NPIPB2: variants seen among roughly 807,000 people sequenced by gnomAD.
NPIPB2 encodes the protein nuclear pore complex-interacting protein family member B2.
Under a neutral mutation model 30.8 loss-of-function variants are expected in NPIPB2, and 27 were observed. The observed-to-expected ratio is 0.88, with a 90% CI of 0.65 to 1.21. The LOEUF (loss-of-function observed/expected upper bound fraction) is 1.21, where lower values mean the gene tolerates loss of function less well. NPIPB2 is among the 50% of genes most tolerant of loss of function. NPIPB2 has a pLI of 0.00. For synonymous variants in NPIPB2, 147 were observed against 162.0 expected (o/e 0.91, Z 0.70); for missense variants, 440 against 446.2 (o/e 0.99, Z 0.13).
At chr16:11,948,208 G>T (rs1385947642) in intron 1 of NPIPB2, among the ~76,000 whole-genome samples, 2 of 151,810 alleles carry the variant, frequency 1.3e-5, no homozygotes, top group Non-Finnish European at 2.9e-5. Flanking sequence ...AACGGGGGAA[G>T]TTCCAGGTGA....
rs567550718 is a variant in NPIPB2 at position 11,959,943 on chromosome 16, T to C, written c.-584+16625A>G. Among the ~76,000 whole-genome samples, 5 of 152,278 alleles carry C rather than the reference T, an allele frequency of 3.3e-5. No homozygotes were observed. In the East Asian group the frequency reaches 9.6e-4, roughly 29 times the overall value. ...AGCACGCACTACCACACCTGGCTAA[T>C]TTTTAAATTATTTGTAGAGATAGGG... On this transcript the variant is annotated intron_variant, in intron 1 of 5. Transcript: ENST00000538896.
intron 1 of NPIPB2, among the ~76,000 whole-genome samples, chr16:11,962,998 C>A (rs1008235685): frequency 6.6e-6 from 1 of 152,066 alleles, no homozygotes; most frequent in Non-Finnish European, 1.5e-5. Context: ...ACCCGGGAGG[C>A]AGAGGTTGCA....
intron 1 of NPIPB2, chr16:11,966,294 TAAGG>T (rs746891830): frequency 2.5e-6 from 4 of 1,613,962 alleles, no homozygotes; most frequent in Non-Finnish European, 3.4e-6. Flanking sequence ...ATGTTTTTGC[TAAGG>T]AAGATAAACT....
Position 11,951,625 on chromosome 16 carries a change from T to TACACACACACACACAC in NPIPB2, c.-583-9527_-583-9512dup, listed in dbSNP as rs1214348316. On this transcript the variant is annotated intron_variant, in intron 1 of 5. Transcript: ENST00000538896. Reference sequence around the variant, plus strand: ...TACAGATGGACACTGCACATACACATACACACACACACACACACACACACA... The same window carrying TACACACACACACACAC: ...TACAGATGGACACTGCACATACACATACACACACACACACACACACACACACACACACACACACACA... Among the ~76,000 whole-genome samples, 320 of 95,862 alleles carry TACACACACACACACAC rather than the reference T, an allele frequency of 3.3e-3. 7 individuals carry two copies. Among genetic ancestry groups the TACACACACACACACAC allele is most frequent in the African/African-American group, 6.8e-3 (146 of 21,574 alleles). 62.9% of individuals were successfully genotyped at this position (95,862 alleles called of 152,430 possible). A position where few individuals can be genotyped will look rare whatever the true frequency, so the allele number is the denominator to read the frequency against.
intron 1 of NPIPB2, chr16:11,941,037 C>G: frequency 2.1e-6 from 2 of 936,108 alleles, no homozygotes; most frequent in African/African-American, 2.0e-5. Flanking sequence ...GTCTTCAACT[C>G]CTGGACTCAA....
chr16:11,963,275 G>C (rs1322769585), intron 1 of NPIPB2, among the ~76,000 whole-genome samples: 2 of 151,774 alleles, frequency 1.3e-5, no homozygotes, highest in Non-Finnish European at 2.9e-5. Context: ...AGCTACTCAG[G>C]AGGCTGAGGC....
At chr16:11,948,766 CAAAAA>C (rs34639444) in intron 1 of NPIPB2, among the ~76,000 whole-genome samples, 1,660 of 67,026 alleles carry the variant, frequency 0.025, no homozygotes, top group Non-Finnish European at 0.043. Context: ...GACTCCGTCT[CAAAAA>C]AAAAAAAAAA....
At chr16:11,931,897 T>G (rs148815346) in intron 4 of NPIPB2, among the ~76,000 whole-genome samples, 7,109 of 152,124 alleles carry the variant, frequency 0.047, 567 homozygotes, top group African/African-American at 0.16. Context: ...TTGGAACCCA[T>G]TTCCCTGAGT....
chr16:11,943,683 C>T (rs2054969146), upstream of NPIPB2, among the ~76,000 whole-genome samples: 1 of 147,396 alleles, frequency 6.8e-6, no homozygotes, highest in Non-Finnish European at 1.5e-5. Flanking sequence ...GCCTGGGCAA[C>T]AAGAGCAAAA....
intron 1 of NPIPB2, chr16:11,968,871 T>TA (rs1162741113): frequency 3.6e-5 from 4 of 112,232 alleles, no homozygotes; most frequent in Non-Finnish European, 5.1e-5. Flanking sequence ...TTTTCTTTTC[T>TA]TTTTTTTTTT....
chr16:11,947,088 A>G (rs1337326651), intron 1 of NPIPB2, among the ~76,000 whole-genome samples: 1 of 146,696 alleles, frequency 6.8e-6, no homozygotes, highest in Non-Finnish European at 1.5e-5. Flanking sequence ...TATATAATAT[A>G]TAAAATAAAA....
intron 1 of NPIPB2, chr16:11,968,632 G>T (rs2055215188): frequency 6.6e-6 from 1 of 152,070 alleles, no homozygotes; most frequent in South Asian, 2.1e-4. Context: ...CCTAGTCTGG[G>T]CTGTAATCAG....
At chr16:11,953,399 G>A (rs995202879) in intron 1 of NPIPB2, among the ~76,000 whole-genome samples, 18 of 151,520 alleles carry the variant, frequency 1.2e-4, no homozygotes, top group African/African-American at 4.4e-4. Context: ...GTGGAGTGCA[G>A]TGGAGCAATC....
At chr16:11,945,069 C>G (rs906535926), upstream of NPIPB2, among the ~76,000 whole-genome samples, 2 of 151,906 alleles carry the variant, frequency 1.3e-5, no homozygotes, top group African/African-American at 4.8e-5. Flanking sequence ...TGCCTGTAAT[C>G]CCAGCTACTC....
intron 1 of NPIPB2, chr16:11,967,924 T>C: frequency 6.6e-7 from 1 of 1,508,754 alleles, no homozygotes; most frequent in Middle Eastern, 2.1e-4. Flanking sequence ...CTCTTTAGGA[T>C]GACTGTATTT....
Position 11,951,625 on chromosome 16 carries a change from TACACACACACACACACACACACAC to T in NPIPB2, c.-583-9535_-583-9512del, listed in dbSNP as rs1214348316. Among the ~76,000 whole-genome samples, 9 of 95,900 alleles carry T rather than the reference TACACACACACACACACACACACAC, an allele frequency of 9.4e-5. 1 individual carries two copies. The highest frequency in any genetic ancestry group is 0.011 in the Middle Eastern group (2 of 184). The allele number at this position is 95,900 out of a possible 152,430, so 62.9% of individuals were successfully genotyped here. ...TACAGATGGACACTGCACATACACA[TACACACACACACACACACACACAC>T]ACACACACACACACACACCCAGCCC... is the stretch of plus-strand genomic sequence containing the variant. On this transcript the variant is annotated intron_variant, in intron 1 of 5. Transcript: ENST00000538896.
At chr16:11,932,144 AG>A (rs200388909) in intron 4 of NPIPB2, among the ~76,000 whole-genome samples, 7,271 of 151,810 alleles carry the variant, frequency 0.048, 235 homozygotes, top group African/African-American at 0.13. Flanking sequence ...CCTCAATTGC[AG>A]CCTGTATGGA....
At chr16:11,958,114 T>C (rs1268164540) in intron 1 of NPIPB2, among the ~76,000 whole-genome samples, 1 of 152,114 alleles carries the variant, frequency 6.6e-6, no homozygotes, top group African/African-American at 2.4e-5. Flanking sequence ...ACTACTTAAC[T>C]TGTGGGGCCC....
At chr16:11,927,525 A>C in exon 8 of NPIPB2, 1 of 1,555,260 alleles carries the variant, frequency 6.4e-7, no homozygotes, top group Non-Finnish European at 8.6e-7. Context: ...TCGGGTGGTG[A>C]TTCCATCTCA....
Sources: allele counts gnomAD v4.1 joint callset (sites outside exome capture counted in the v4.1 genomes callset), GRCh38; gene constraint gnomAD v4.1.1; transcripts MANE v1.5; gene names NCBI Gene and HGNC (gene_info 2026-07-23, HGNC 2026-07-21).